The following ASTN2 variants were observed in gnomAD, a reference collection of about 807,000 sequenced individuals.
The protein encoded by ASTN2 is astrotactin 2, also known as astrotactin-2.
A neutral mutation model predicts 139.8 loss-of-function variants in ASTN2; 54 were observed. The observed-to-expected ratio is 0.39, with a 90% CI of 0.31 to 0.48. The LOEUF is 0.48. ASTN2 is among the 20% of genes least tolerant of loss of function. ASTN2 has a pLI of 0.95. For synonymous variants in ASTN2, 756 were observed against 719.5 expected, an observed-to-expected ratio of 1.05 and a Z score of -0.81; for missense variants, 1,565 against 1,725.1, an observed-to-expected ratio of 0.91 and a Z score of 1.64.
At chr9:117,266,102 G>A (rs992532877) in intron 2 of ASTN2, among the ~76,000 whole-genome samples, 1 of 152,146 alleles carries the variant, frequency 6.6e-6, no homozygotes, top group Non-Finnish European at 1.5e-5. Context: ...ACACATTCCT[G>A]CACTTCCTCA....
At chr9:117,101,118 G>C (rs1401972203) in intron 4 of ASTN2, among the ~76,000 whole-genome samples, 14 of 152,156 alleles carry the variant, frequency 9.2e-5, no homozygotes, top group Admixed American at 8.5e-4. Context: ...CTTGATGCTT[G>C]TCTGTGTTTA....
chr9:117,079,306 C>T (rs113960981), intron 5 of ASTN2, among the ~76,000 whole-genome samples: 3,001 of 152,092 alleles, frequency 0.02, 108 homozygotes, highest in African/African-American at 0.068. Flanking sequence ...GTGTGAGCTG[C>T]GATGGCACCA....
At chr9:117,391,180 G>A (rs946465147) in intron 1 of ASTN2, among the ~76,000 whole-genome samples, 1 of 152,176 alleles carries the variant, frequency 6.6e-6, no homozygotes, top group Non-Finnish European at 1.5e-5. Flanking sequence ...TGTATTCTAA[G>A]GGACAGCTAA....
chr9:116,867,973 G>T (rs532664297), intron 10 of ASTN2, among the ~76,000 whole-genome samples: 32 of 152,322 alleles, frequency 2.1e-4, no homozygotes, highest in African/African-American at 7.5e-4. Flanking sequence ...CAGGGTTTAG[G>T]GTCTGTGGGA....
intron 4 of ASTN2, among the ~76,000 whole-genome samples, chr9:117,129,832 G>T (rs1187909216): frequency 6.6e-6 from 1 of 151,812 alleles, no homozygotes; most frequent in Admixed American, 6.6e-5. Context: ...ATTTTTCCTT[G>T]TTCCTTCTTA....
intron 19 of ASTN2, among the ~76,000 whole-genome samples, chr9:116,527,296 A>G (rs930344820): frequency 4.6e-5 from 7 of 152,208 alleles, no homozygotes; most frequent in African/African-American, 7.2e-5. Context: ...AGGGGCTAAT[A>G]TCTAAAATAT....
At chr9:117,034,513 A>T (rs1020867849) in intron 6 of ASTN2, among the ~76,000 whole-genome samples, 1 of 152,214 alleles carries the variant, frequency 6.6e-6, no homozygotes, top group African/African-American at 2.4e-5. Flanking sequence ...AAAGATGCTT[A>T]TAATGATTCC....
chr9:117,393,194 G>C (rs575555982), intron 1 of ASTN2, among the ~76,000 whole-genome samples: 1 of 152,314 alleles, frequency 6.6e-6, no homozygotes, highest in East Asian at 1.9e-4. Context: ...TGAGCAGAAG[G>C]AGCCAGCTTT....
At chr9:116,884,881 T>G (rs1490415384) in intron 10 of ASTN2, among the ~76,000 whole-genome samples, 1 of 142,914 alleles carries the variant, frequency 7.0e-6, no homozygotes, top group Admixed American at 7.4e-5. Context: ...AGTGGCGCTA[T>G]CTTGGCTCAC....
At chr9:116,931,642 C>A (rs890140618) in intron 10 of ASTN2, among the ~76,000 whole-genome samples, 5 of 152,096 alleles carry the variant, frequency 3.3e-5, no homozygotes, top group Admixed American at 6.5e-5. Flanking sequence ...GTCTTAGGAG[C>A]TAAGATATCA....
At chr9:117,170,508 C>T (rs1161612164) in intron 3 of ASTN2, among the ~76,000 whole-genome samples, 6 of 152,072 alleles carry the variant, frequency 3.9e-5, no homozygotes. Flanking sequence ...GCAATAACTG[C>T]ATCAATAAGT....
chr9:117,025,367 G>A (rs138276050), intron 6 of ASTN2, among the ~76,000 whole-genome samples: 258 of 152,200 alleles, frequency 1.7e-3, no homozygotes, highest in African/African-American at 5.9e-3. Flanking sequence ...CCCCTTTTGG[G>A]GTAGCAGAAG....
intron 20 of ASTN2, among the ~76,000 whole-genome samples, chr9:116,448,807 T>C (rs1290592658): frequency 6.6e-6 from 1 of 152,194 alleles, no homozygotes; most frequent in African/African-American, 2.4e-5. Flanking sequence ...TCTTTTCCCT[T>C]GTACTATTCA....
chr9:117,395,506 A>G (rs925195999), intron 1 of ASTN2, among the ~76,000 whole-genome samples: 1 of 152,174 alleles, frequency 6.6e-6, no homozygotes. Flanking sequence ...CCCTCTTGTT[A>G]CCTGCCCAAC....
chr9:117,104,789 C>T (rs1031035345), intron 4 of ASTN2, among the ~76,000 whole-genome samples: 3 of 152,066 alleles, frequency 2.0e-5, no homozygotes, highest in Admixed American at 6.6e-5. Flanking sequence ...AACAAAGATA[C>T]CTAATAAAAG....
intron 11 of ASTN2, among the ~76,000 whole-genome samples, chr9:116,855,617 G>A (rs1288570092): frequency 6.6e-6 from 1 of 152,154 alleles, no homozygotes; most frequent in Non-Finnish European, 1.5e-5. Context: ...TCCTGACATT[G>A]GGGACATTCG....
At chr9:117,173,303 C>A (rs1405567826) in intron 3 of ASTN2, among the ~76,000 whole-genome samples, 1 of 152,040 alleles carries the variant, frequency 6.6e-6, no homozygotes, top group Non-Finnish European at 1.5e-5. Flanking sequence ...GATTTTTGCA[C>A]ATCTGTCTTA....
intron 19 of ASTN2, among the ~76,000 whole-genome samples, chr9:116,514,778 C>G (rs1850567168): frequency 6.6e-6 from 1 of 152,216 alleles, no homozygotes; most frequent in African/African-American, 2.4e-5. Context: ...GCTCCATGGG[C>G]ATGGGACCCT....
At chr9:116,812,882 G>A (rs1255651809) in intron 12 of ASTN2, among the ~76,000 whole-genome samples, 2 of 152,056 alleles carry the variant, frequency 1.3e-5, no homozygotes, top group African/African-American at 4.8e-5. Context: ...TTGCAGGAGA[G>A]ATTCAGGGGG....
Sources: gnomAD v4.1 joint callset for allele counts (sites outside exome capture counted in the v4.1 genomes callset) on GRCh38, gnomAD v4.1.1 for gene constraint, MANE v1.5 for transcripts, NCBI Gene and HGNC (gene_info 2026-07-23, HGNC 2026-07-21) for gene names.